COL15A1: variants seen among roughly 807,000 people sequenced by gnomAD.
COL15A1 encodes collagen type XV alpha 1 chain.
A neutral mutation model predicts 165.9 loss-of-function variants in COL15A1; 111 were observed. The ratio of observed to expected loss-of-function variants is 0.67; its 90% CI spans 0.57 to 0.78. The LOEUF (loss-of-function observed/expected upper bound fraction) is 0.78. Among genes scored for constraint, COL15A1 ranks in the 30% least tolerant of loss-of-function variants. COL15A1 has a pLI of 0.00. For synonymous variants in COL15A1, 659 were observed against 674.8 expected, an observed-to-expected ratio of 0.98 and a Z score of 0.36; for missense variants, 1,745 against 1,789.7, an observed-to-expected ratio of 0.98 and a Z score of 0.45.
rs1272477695 is a variant in COL15A1 at position 98,997,092 on chromosome 9, AT to A, written c.952+12del. The A allele has an allele frequency of 3.1e-6, 5 of 1,614,144 alleles. No homozygotes were observed. In the East Asian group the frequency reaches 1.1e-4, roughly 36 times the overall value. On this transcript the variant is annotated intron_variant, in intron 6 of 41. Transcript: ENST00000375001. ...GCAGCCCCAAACAAGGCAAGTCCGG[AT>A]GCACATGCCTACGTAGTGGCCTTTT...
At chr9:99,045,665 T>C (rs1458262550) in intron 26 of COL15A1, among the ~76,000 whole-genome samples, 1 of 152,208 alleles carries the variant, frequency 6.6e-6, no homozygotes, top group African/African-American at 2.4e-5. Context: ...ATGAGGAAAC[T>C]AAGGCCCAAG....
intron 5 of COL15A1, among the ~76,000 whole-genome samples, chr9:98,994,561 C>G (rs1015262538): frequency 1.3e-5 from 2 of 152,140 alleles, no homozygotes; most frequent in Non-Finnish European, 2.9e-5. Context: ...TGCGTCTGGT[C>G]TAGGTCTGGG....
In COL15A1 at chr9:98,980,391, T is replaced by C. The variant is rs371825924; in HGVS notation, c.101-5174T>C. 4.6e-5 allele frequency among the ~76,000 whole-genome samples: 7 copies of C among 152,174 alleles called. No homozygotes were observed. In the South Asian group the frequency reaches 1.5e-3, roughly 32 times the overall value. ...TGTGGGTGCGGGAGGTGAAGCGAGA[T>C]TTCAGGGGAAGCGAGGCCTGGGCTG... is the stretch of plus-strand genomic sequence containing the variant. On this transcript the variant is annotated intron_variant, in intron 2 of 41. Transcript: ENST00000375001.
intron 24 of COL15A1, among the ~76,000 whole-genome samples, chr9:99,042,969 G>C (rs975751070): frequency 6.6e-6 from 1 of 152,144 alleles, no homozygotes. Context: ...TGTGCTAGGC[G>C]TAGGGATATA....
At chr9:99,054,973 A>G in intron 32 of COL15A1, 129 bp from the exon 33 acceptor site, 1 of 837,898 alleles carries the variant, frequency 1.2e-6, no homozygotes, top group Non-Finnish European at 2.0e-6. Flanking sequence ...GCTTCCAAGC[A>G]GACTCTGTTA....
intron 23 of COL15A1, 125 bp from the exon 24 acceptor site, chr9:99,041,920 C>A: frequency 1.6e-6 from 1 of 643,046 alleles, no homozygotes; most frequent in Non-Finnish European, 2.7e-6. Flanking sequence ...CATAGGTAAT[C>A]ATGACTTCCA....
At chr9:98,989,881 C>A (rs1171407581) in intron 5 of COL15A1, among the ~76,000 whole-genome samples, 1 of 152,160 alleles carries the variant, frequency 6.6e-6, no homozygotes, top group African/African-American at 2.4e-5. Context: ...GTGGCTGAGA[C>A]ATGGAAGTGG....
chr9:99,029,335 C>G (rs536941796), intron 16 of COL15A1, among the ~76,000 whole-genome samples: 4 of 152,334 alleles, frequency 2.6e-5, no homozygotes, highest in African/African-American at 9.6e-5. Context: ...AGCTGCCAAA[C>G]TGTCATTGTA....
intron 2 of COL15A1, among the ~76,000 whole-genome samples, chr9:98,963,921 G>GTGAATGAACAAATGAA (rs1387412476): frequency 4.0e-4 from 61 of 152,348 alleles, no homozygotes; most frequent in African/African-American, 1.3e-3. Context: ...ATAGTCATTT[G>GTGAATGAACAAATGAA]TGAATGAACA....
chr9:98,951,997 G>A (rs1252996157), intron 2 of COL15A1, among the ~76,000 whole-genome samples: 1 of 152,204 alleles, frequency 6.6e-6, no homozygotes, highest in African/African-American at 2.4e-5. Flanking sequence ...TTCTCAGACT[G>A]TACAGTGACC....
In COL15A1 at chr9:99,003,505, G is replaced by T; in HGVS notation, c.1118G>T (p.Gly373Val). 1 of 1,570,374 alleles carries T rather than the reference G, an allele frequency of 6.4e-7. No homozygotes were observed. Among genetic ancestry groups the T allele is most frequent in the South Asian group, 1.2e-5 (1 of 84,722 alleles). Reference sequence around the variant, plus strand: ...GCCGAGGTGCCCATCAGCACTGCTGGAGAAGCAGAGGCCAGCAGTGTGCCC... The same window carrying T: ...GCCGAGGTGCCCATCAGCACTGCTGTAGAAGCAGAGGCCAGCAGTGTGCCC... ...GLAEVPISTA[G>V]EAEASSVPTG... Residue 373 changes from glycine (G) to valine (V), a missense_variant, in exon 8 of 42, where the codon GGA (glycine) becomes GTA (valine). Physicochemically the swap from Gly to Val is moderately radical, Grantham distance 109. Coordinates refer to ENST00000375001, the MANE Select transcript of COL15A1 (RefSeq NM_001855.5).
chr9:98,955,502 A>T (rs1212612404), intron 2 of COL15A1, among the ~76,000 whole-genome samples: 3 of 152,194 alleles, frequency 2.0e-5, no homozygotes. Context: ...GACTGTGGAG[A>T]TCTTAGTGAA....
chr9:98,955,804 C>G (rs1231866672), intron 2 of COL15A1, among the ~76,000 whole-genome samples: 1 of 152,246 alleles, frequency 6.6e-6, no homozygotes, highest in Non-Finnish European at 1.5e-5. Flanking sequence ...GCATTACACA[C>G]AGAACCTCTG....
Position 99,055,710 on chromosome 9 carries a change from A to G in COL15A1, c.3192+338A>G, listed in dbSNP as rs576915766. Among the ~76,000 whole-genome samples the G allele has an allele frequency of 3.7e-4, 57 of 152,366 alleles. No individual in the cohort carries two copies. In the South Asian group the frequency reaches 0.012, roughly 31 times the overall value. On this transcript the variant is annotated intron_variant, in intron 34 of 41. Coordinates refer to ENST00000375001, the MANE Select transcript of COL15A1 (RefSeq NM_001855.5). The stretch of plus-strand genomic sequence containing the variant: ...GAAGCAGAATGGAAGGTAAGGAGAT[A>G]TTTTTAGAGGAGCTGTTTGATTCTT...
rs60753911 is a variant in COL15A1 at position 98,950,550 on chromosome 9, C to CCCTTCCTTCCTTCCTTCCTT, written c.100+6324_100+6343dup. On this transcript the variant is annotated intron_variant, in intron 2 of 41. Coordinates refer to ENST00000375001, the MANE Select transcript of COL15A1 (RefSeq NM_001855.5). ...TCCTTCCTTCCCTTCCCTTCCCTTC[C>CCCTTCCTTCCTTCCTTCCTT]CCTTCCTTCCTTCCTTCCTTCCTTC... Among the ~76,000 whole-genome samples, 147 of 66,956 alleles carry CCCTTCCTTCCTTCCTTCCTT rather than the reference C, an allele frequency of 2.2e-3. 2 individuals carry two copies. The highest frequency in any genetic ancestry group is 0.011 in the East Asian group (15 of 1,320). The allele number at this position is 66,956 out of a possible 152,430, so 43.9% of individuals were successfully genotyped here.
rs1486760688 is a variant in COL15A1 at position 98,997,034 on chromosome 9, TG to T, written c.907del (p.Glu303LysfsTer5). Reference sequence around the variant, plus strand: ...GGTGAACCTGTACCCGAGGGGACCCTGGAAACCACCAACATGAGCATCATCC... The same window carrying T: ...GGTGAACCTGTACCCGAGGGGACCCTGAAACCACCAACATGAGCATCATCC... ...LSGEPVPEGT[L>X]ETTNMSIIQH... On this transcript the variant is annotated frameshift_variant, in exon 6 of 42. Coordinates refer to ENST00000375001, the MANE Select transcript of COL15A1 (RefSeq NM_001855.5). LOFTEE classifies it high-confidence loss of function. 6.2e-7 allele frequency: 1 copy of T among 1,614,170 alleles called. No individual in the cohort carries two copies.
Position 99,026,807 on chromosome 9 carries a change from G to C in COL15A1, c.2043+841G>C, listed in dbSNP as rs141608664. Among the ~76,000 whole-genome samples, 1,468 of 152,232 alleles carry C rather than the reference G, an allele frequency of 9.6e-3. 6 individuals are homozygous for C. The highest frequency in any genetic ancestry group is 0.014 in the Non-Finnish European group (979 of 68,018). On this transcript the variant is annotated intron_variant, in intron 16 of 41. Transcript: ENST00000375001. ...CCCCTTTCTATGAGCATCATAGGAA[G>C]TTCCCATGCTATTGAGAACCTCCCT...
At chr9:98,993,385 G>T (rs1838483110) in intron 5 of COL15A1, among the ~76,000 whole-genome samples, 1 of 152,194 alleles carries the variant, frequency 6.6e-6, no homozygotes, top group African/African-American at 2.4e-5. Flanking sequence ...TGGGCTGACA[G>T]GCATGCCAAA....
In COL15A1 at chr9:99,047,735, T is replaced by C. The variant is rs767636824; in HGVS notation, c.2680-51T>C. On this transcript the variant is annotated intron_variant, in intron 26 of 41. Coordinates refer to ENST00000375001, the MANE Select transcript of COL15A1 (RefSeq NM_001855.5). Reference sequence around the variant, plus strand: ...AGCGGGCTTGCACTCCTCATTTCCCTGAACCAAGACTTTCTGTTCTTTTCT... The same window carrying C: ...AGCGGGCTTGCACTCCTCATTTCCCCGAACCAAGACTTTCTGTTCTTTTCT... The C allele has an allele frequency of 2.1e-5, 34 of 1,600,934 alleles. No individual in the cohort carries two copies. In the East Asian group the frequency reaches 7.4e-4, roughly 35 times the overall value.
Sources: allele counts gnomAD v4.1 joint callset (sites outside exome capture counted in the v4.1 genomes callset), GRCh38; gene constraint gnomAD v4.1.1; transcripts MANE v1.5; gene names NCBI Gene and HGNC (gene_info 2026-07-23, HGNC 2026-07-21).